ABCG2: variants seen among roughly 807,000 people sequenced by gnomAD.
ABCG2 encodes the protein ATP binding cassette subfamily G member 2 (JR blood group).
A neutral mutation model predicts 73.5 loss-of-function variants in ABCG2; 80 were observed. The observed-to-expected ratio is 1.09, with a 90% CI of 0.91 to 1.31. The LOEUF (loss-of-function observed/expected upper bound fraction) is 1.31, where lower values mean the gene tolerates loss of function less well. ABCG2 is among the 50% of genes most tolerant of loss of function. The pLI is 0.00. For missense variants in ABCG2, 796 were observed against 786.2 expected (o/e 1.01, Z -0.15); for synonymous variants, 269 against 282.4 (o/e 0.95, Z 0.48).
Position 88,170,878 on chromosome 4 carries a change from C to T in ABCG2, c.-19-30864G>A, listed in dbSNP as rs538185756. ...TAGCAGATGGGATAAAGAAAATGCA[C>T]TGGTATATATGTATATACCATGAGG... On this transcript the variant is annotated intron_variant, in intron 1 of 15. Coordinates refer to the ABCG2 transcript ENST00000515655. Among the ~76,000 whole-genome samples, 5 of 152,256 alleles carry T rather than the reference C, an allele frequency of 3.3e-5. No individual in the cohort carries two copies. In the East Asian group the frequency reaches 9.6e-4, roughly 29 times the overall value.
At chr4:88,186,645 C>T (rs1216962229) in intron 1 of ABCG2, among the ~76,000 whole-genome samples, 3 of 152,038 alleles carry the variant, frequency 2.0e-5, no homozygotes, top group South Asian at 2.1e-4. Flanking sequence ...GGCGGCCGGG[C>T]GCGGTGGCTC....
At chr4:88,120,846 A>T (rs1054354446) in intron 6 of ABCG2, among the ~76,000 whole-genome samples, 11 of 152,144 alleles carry the variant, frequency 7.2e-5, no homozygotes, top group African/African-American at 2.7e-4. Flanking sequence ...TGGTTTTAAA[A>T]TGTGAGGACA....
At chr4:88,229,297 T>C (rs982078872) in intron 1 of ABCG2, among the ~76,000 whole-genome samples, 2 of 152,138 alleles carry the variant, frequency 1.3e-5, no homozygotes, top group African/African-American at 4.8e-5. Context: ...CTATCACTTG[T>C]ATAGCCCTTC....
Position 88,150,412 on chromosome 4 carries a change from A to C in ABCG2, c.-20+7974T>G, listed in dbSNP as rs6532050. 9.6e-3 allele frequency among the ~76,000 whole-genome samples: 1,465 copies of C among 152,344 alleles called. 17 individuals are homozygous for C. Among genetic ancestry groups the C allele is most frequent in the African/African-American group, 0.033 (1,387 of 41,592 alleles). ...TGGTCGAAGGAACAGCAAAGAGGCCAGTGAGGCTGAAGCAGAGTGAGGGAG... is the reference window on the plus strand; with the variant it reads ...TGGTCGAAGGAACAGCAAAGAGGCCCGTGAGGCTGAAGCAGAGTGAGGGAG... On this transcript the variant is annotated intron_variant, in intron 1 of 15. Coordinates refer to ENST00000237612, the MANE Select transcript of ABCG2 (RefSeq NM_004827.3).
chr4:88,131,930 A>G lies in ABCG2; in HGVS notation c.264-13T>C. ...GACATCTAATAACCTATAAGAGGAC[A>G]TATATGTTGTGGGTCTAATAACCTA... is the stretch of plus-strand genomic sequence containing the variant. On this transcript the variant is annotated splice_polypyrimidine_tract_variant and intron_variant, in intron 3 of 15. Transcript: ENST00000237612. 6.3e-7 allele frequency: 1 copy of G among 1,592,544 alleles called. No homozygotes were observed. Among genetic ancestry groups the G allele is most frequent in the Non-Finnish European group, 8.6e-7 (1 of 1,160,804 alleles).
intron 1 of ABCG2, among the ~76,000 whole-genome samples, chr4:88,148,366 TATGTTGGGTC>T (rs1726194308): frequency 6.6e-6 from 1 of 152,138 alleles, no homozygotes; most frequent in East Asian, 1.9e-4. Flanking sequence ...TCGAAAGAGA[TATGTTGGGTC>T]ATGTATACCA....
intron 11 of ABCG2, among the ~76,000 whole-genome samples, chr4:88,100,713 T>C (rs1183285699): frequency 6.6e-6 from 1 of 152,102 alleles, no homozygotes; most frequent in Middle Eastern, 3.2e-3. Context: ...CTCTTTACTG[T>C]AAGAATGCCT....
chr4:88,225,012 C>T (rs774875841), intron 1 of ABCG2, among the ~76,000 whole-genome samples: 4 of 152,184 alleles, frequency 2.6e-5, no homozygotes, highest in Non-Finnish European at 4.4e-5. Context: ...GGGTTTATTT[C>T]AGGGCTTTCT....
intron 1 of ABCG2, among the ~76,000 whole-genome samples, chr4:88,188,874 T>G (rs982206086): frequency 6.6e-6 from 1 of 151,934 alleles, no homozygotes; most frequent in African/African-American, 2.4e-5. Flanking sequence ...TTAGCTGGTC[T>G]TGGTGGTGCA....
intron 2 of ABCG2, among the ~76,000 whole-genome samples, chr4:88,136,898 C>T (rs1725283121): frequency 6.7e-6 from 1 of 150,282 alleles, no homozygotes; most frequent in Non-Finnish European, 1.5e-5. Flanking sequence ...CACCTGTAGT[C>T]CCAGCTAGGA....
intron 10 of ABCG2, among the ~76,000 whole-genome samples, chr4:88,101,567 C>G (rs950403968): frequency 1.3e-5 from 2 of 152,070 alleles, no homozygotes; most frequent in Non-Finnish European, 2.9e-5. Flanking sequence ...CGTCTCCCCC[C>G]ACCAAAATTC....
At chr4:88,213,042 C>T (rs1324050995) in intron 1 of ABCG2, among the ~76,000 whole-genome samples, 1 of 152,076 alleles carries the variant, frequency 6.6e-6, no homozygotes, top group Admixed American at 6.5e-5. Flanking sequence ...GCTGGGACTA[C>T]CAATGAATGC....
chr4:88,161,999 G>A (rs942962587), upstream of ABCG2, among the ~76,000 whole-genome samples: 12 of 151,248 alleles, frequency 7.9e-5, no homozygotes, highest in African/African-American at 2.2e-4. Context: ...CATGTCCTTC[G>A]CCCACTTTTT....
At chr4:88,130,916 T>C (rs1578209031) in intron 5 of ABCG2, 145 bp downstream of exon 5, 5 of 935,128 alleles carry the variant, frequency 5.3e-6, no homozygotes, top group South Asian at 5.1e-5. Flanking sequence ...TCATATTATG[T>C]AACAAGCCAC....
chr4:88,121,927 T>C (rs974800872), intron 5 of ABCG2, 135 bp from the exon 6 acceptor site: 11 of 839,846 alleles, frequency 1.3e-5, no homozygotes, highest in African/African-American at 1.2e-4. Flanking sequence ...AATAAGTGGA[T>C]ACCTGGTAGA....
chr4:88,171,668 T>C (rs1560735509), intron 1 of ABCG2, among the ~76,000 whole-genome samples: 1 of 151,852 alleles, frequency 6.6e-6, no homozygotes, highest in Non-Finnish European at 1.5e-5. Context: ...GTATTATCTA[T>C]GGCTTGCTTG....
intron 5 of ABCG2, among the ~76,000 whole-genome samples, chr4:88,127,654 C>T (rs1279366831): frequency 2.0e-5 from 3 of 152,078 alleles, no homozygotes; most frequent in African/African-American, 7.2e-5. Flanking sequence ...ACATACCTGA[C>T]AAAAACAAGC....
intron 1 of ABCG2, among the ~76,000 whole-genome samples, chr4:88,179,092 C>G (rs1056612196): frequency 6.6e-6 from 1 of 152,184 alleles, no homozygotes; most frequent in Non-Finnish European, 1.5e-5. Context: ...TTAGGCAACA[C>G]CCAGTGCTAT....
Position 88,174,460 on chromosome 4 carries a change from G to A in ABCG2, c.-19-34446C>T, listed in dbSNP as rs186897373. Among the ~76,000 whole-genome samples the A allele has an allele frequency of 7.0e-4, 107 of 152,208 alleles. 1 individual carries two copies. The highest frequency in any genetic ancestry group is 1.4e-3 in the Non-Finnish European group (96 of 68,014). On this transcript the variant is annotated intron_variant, in intron 1 of 15. Coordinates refer to the ABCG2 transcript ENST00000515655. The stretch of plus-strand genomic sequence containing the variant: ...CCTGTGTTACTTTGCTGAGAATGAC[G>A]GCTTCCAGCTTCATCCATGTCCCTC...
Sources: gnomAD v4.1 joint callset for allele counts (sites outside exome capture counted in the v4.1 genomes callset) on GRCh38, gnomAD v4.1.1 for gene constraint, MANE v1.5 for transcripts, NCBI Gene and HGNC (gene_info 2026-07-23, HGNC 2026-07-21) for gene names.